Variants in LEPR observed in about 807,000 individuals in gnomAD.
LEPR encodes the protein leptin receptor.
Under a neutral mutation model 114.7 loss-of-function variants are expected in LEPR, and 56 were observed. The observed-to-expected ratio is 0.49, with a 90% CI of 0.39 to 0.61. The LOEUF (loss-of-function observed/expected upper bound fraction) is 0.61, where lower values mean the gene tolerates loss of function less well. Ranked by LOEUF, LEPR falls within the 20% of genes least tolerant of loss-of-function variation. The probability of loss-of-function intolerance (pLI) is 0.00; values close to 1 mark genes in which losing one functional copy is unlikely to be tolerated. For synonymous variants in LEPR, 443 were observed against 461.4 expected, an observed-to-expected ratio of 0.96 and a Z score of 0.51; for missense variants, 1,202 against 1,352.9, an observed-to-expected ratio of 0.89 and a Z score of 1.75.
chr1:65,434,580 G>A (rs552381922), intron 2 of LEPR: 1 of 985,450 alleles, frequency 1.0e-6, no homozygotes, highest in African/African-American at 1.7e-5. Flanking sequence ...TGATACTGAA[G>A]GTGCCTGCCT....
chr1:65,553,044 C>G (rs1037424961), intron 2 of LEPR, among the ~76,000 whole-genome samples: 1 of 152,138 alleles, frequency 6.6e-6, no homozygotes, highest in Non-Finnish European at 1.5e-5. Flanking sequence ...AATATTGGCC[C>G]CCACTCTCTT....
At position 65,544,022 on chromosome 1, in the gene LEPR, T is replaced by C. The variant is rs566390596; in HGVS notation, c.-20-21524T>C. On this transcript the variant is annotated intron_variant, in intron 2 of 19. Transcript: ENST00000349533. ...TTAAAGAAAGTCAATGGTGGCTTGA[T>C]GGGGATAGCACTGAATCTATAAATT... Among the ~76,000 whole-genome samples the C allele has an allele frequency of 5.9e-5, 9 of 152,192 alleles. No individual in the cohort carries two copies. The South Asian group carries it at 1.9e-3, about 32-fold the overall frequency.
At chr1:65,518,516 G>A (rs1649400088) in intron 2 of LEPR, among the ~76,000 whole-genome samples, 1 of 152,150 alleles carries the variant, frequency 6.6e-6, no homozygotes, top group Non-Finnish European at 1.5e-5. Flanking sequence ...TTTTCTGGCA[G>A]CGAATCCTTA....
Position 65,610,000 on chromosome 1 carries a change from C to T in LEPR, c.1806C>T (p.Asp602=), listed in dbSNP as rs761165352. 1 of 1,614,060 alleles carries T rather than the reference C, an allele frequency of 6.2e-7. No individual in the cohort carries two copies. The highest frequency in any genetic ancestry group is 1.3e-5 in the African/African-American group (1 of 74,928). ...AATCTGTCAGTCTCCCAGTTCCAGACTTGTGTGCAGTCTATGCTGTTCAGG... is the reference window on the plus strand; with the variant it reads ...AATCTGTCAGTCTCCCAGTTCCAGATTTGTGTGCAGTCTATGCTGTTCAGG... ...KSKSVSLPVP[D]LCAVYAVQVR... The change falls in exon 13 of 20, where the codon GAC becomes GAT. Residue 602 remains aspartate (D), a synonymous_variant. Transcript: ENST00000349533.
rs752332690 is a variant in LEPR at position 65,592,781 on chromosome 1, G to T, written c.619G>T (p.Asp207Tyr). 6.2e-7 allele frequency: 1 copy of T among 1,613,276 alleles called. No individual in the cohort carries two copies. Among genetic ancestry groups the T allele is most frequent in the Non-Finnish European group, 8.5e-7 (1 of 1,179,478 alleles). Residue 207 changes from aspartate to tyrosine, a missense_variant, in exon 6 of 20, where the codon GAC (aspartate) becomes TAC (tyrosine). Physicochemically the swap from Asp to Tyr is radical, Grantham distance 160 (BLOSUM62 -3). Coordinates refer to ENST00000349533, the MANE Select transcript of LEPR (RefSeq NM_002303.6). Reference sequence around the variant, plus strand: ...GCCTGTGCCAACAGCCAAACTCAACGACACTCTCCTTATGTGTTTGAAAAT... The same window carrying T: ...GCCTGTGCCAACAGCCAAACTCAACTACACTCTCCTTATGTGTTTGAAAAT... ...LVPVPTAKLN[D>Y]TLLMCLKITS... is the part of the protein sequence containing the mutation.
chr1:65,548,379 C>T (rs997461343), intron 2 of LEPR, among the ~76,000 whole-genome samples: 15 of 152,170 alleles, frequency 9.9e-5, no homozygotes, highest in Middle Eastern at 3.4e-3. Flanking sequence ...CTTTCTCTGT[C>T]GTTGATCTGT....
At chr1:65,627,692 A>T (rs1658300047) in intron 19 of LEPR, among the ~76,000 whole-genome samples, 1 of 152,182 alleles carries the variant, frequency 6.6e-6, no homozygotes, top group African/African-American at 2.4e-5. Flanking sequence ...AATAGCCAAA[A>T]TGTGAAAGTA....
At chr1:65,548,368 A>G (rs1476811328) in intron 2 of LEPR, among the ~76,000 whole-genome samples, 1 of 151,970 alleles carries the variant, frequency 6.6e-6, no homozygotes, top group African/African-American at 2.4e-5. Context: ...ATCCTTGTTA[A>G]CTTTCTCTGT....
At chr1:65,422,447 C>T (rs1466008261) in intron 1 of LEPR, among the ~76,000 whole-genome samples, 2 of 152,210 alleles carry the variant, frequency 1.3e-5, no homozygotes, top group African/African-American at 4.8e-5. Flanking sequence ...TTCAGAAGTC[C>T]AGCCTCCAGA....
At chr1:65,442,224 T>G (rs980923184) in intron 2 of LEPR, among the ~76,000 whole-genome samples, 1 of 152,206 alleles carries the variant, frequency 6.6e-6, no homozygotes, top group African/African-American at 2.4e-5. Context: ...CTTATGAGGC[T>G]TCATCTGCAT....
intron 2 of LEPR, chr1:65,432,567 A>T (rs1003635317): frequency 2.8e-4 from 26 of 93,356 alleles, no homozygotes; most frequent in South Asian, 4.3e-4. Flanking sequence ...TCATTTGTTT[A>T]AAAAAAAAAA....
intron 2 of LEPR, among the ~76,000 whole-genome samples, chr1:65,453,148 C>T (rs889042928): frequency 2.4e-4 from 37 of 151,734 alleles, no homozygotes; most frequent in Admixed American, 7.2e-4. Flanking sequence ...TTTTTTATTG[C>T]GTCTATTAGA....
chr1:65,429,792 G>C (rs998340216), intron 2 of LEPR: 26 of 1,227,164 alleles, frequency 2.1e-5, no homozygotes, highest in Middle Eastern at 3.0e-4. Context: ...TTTTGAAATA[G>C]TAGTATGTCT....
At chr1:65,509,455 T>C (rs964427551) in intron 2 of LEPR, among the ~76,000 whole-genome samples, 1 of 152,174 alleles carries the variant, frequency 6.6e-6, no homozygotes, top group African/African-American at 2.4e-5. Flanking sequence ...ATATGTTTTT[T>C]GTCCTTCATT....
chr1:65,445,825 C>G (rs1646707297), intron 2 of LEPR, among the ~76,000 whole-genome samples: 1 of 151,690 alleles, frequency 6.6e-6, no homozygotes. Context: ...TGTAAATTAA[C>G]CTGCTAACAG....
At chr1:65,446,600 G>C (rs1646717667) in intron 2 of LEPR, among the ~76,000 whole-genome samples, 1 of 151,876 alleles carries the variant, frequency 6.6e-6, no homozygotes, top group Admixed American at 6.6e-5. Context: ...AGAAATTATT[G>C]GTCCATTTCT....
In LEPR at chr1:65,546,763, A is replaced by G. The variant is rs181071595; in HGVS notation, c.-20-18783A>G. Among the ~76,000 whole-genome samples, 91 of 152,308 alleles carry G rather than the reference A, an allele frequency of 6.0e-4. 1 individual carries two copies. The highest frequency in any genetic ancestry group is 2.1e-3 in the African/African-American group (89 of 41,576). ...ATCATGTCATCTGCAAACAGGGACA[A>G]TTTGACTTCCTGTTTTCCTAGTTGA... is the stretch of plus-strand genomic sequence containing the variant. On this transcript the variant is annotated intron_variant, in intron 2 of 19. Coordinates refer to ENST00000349533, the MANE Select transcript of LEPR (RefSeq NM_002303.6).
At chr1:65,569,177 G>T (rs894469822) in intron 3 of LEPR, among the ~76,000 whole-genome samples, 6 of 151,866 alleles carry the variant, frequency 4.0e-5, no homozygotes, top group African/African-American at 7.3e-5. Context: ...TAATTGTCTG[G>T]ATGTACCACA....
chr1:65,563,960 TGTCA>T (rs1653484741), intron 2 of LEPR, among the ~76,000 whole-genome samples: 1 of 142,948 alleles, frequency 7.0e-6, no homozygotes. Context: ...TCTTCAAAGC[TGTCA>T]GACAGGGACA....
Sources: allele counts gnomAD v4.1 joint callset (sites outside exome capture counted in the v4.1 genomes callset), GRCh38; gene constraint gnomAD v4.1.1; transcripts MANE v1.5; gene names NCBI Gene and HGNC (gene_info 2026-07-23, HGNC 2026-07-21).